SNTG1: variants seen among roughly 807,000 people sequenced by gnomAD.
SNTG1 encodes the protein syntrophin gamma 1.
SNTG1 carries 39 observed loss-of-function variants against 74.7 expected under a neutral mutation model. The observed-to-expected ratio is 0.52, with a 90% CI of 0.40 to 0.68. The LOEUF is 0.68. Among genes scored for constraint, SNTG1 ranks in the 30% least tolerant of loss-of-function variants. SNTG1 has a pLI of 0.00. For synonymous variants in SNTG1, 254 were observed against 217.1 expected, an observed-to-expected ratio of 1.17 and a Z score of -1.49; for missense variants, 685 against 609.5, an observed-to-expected ratio of 1.12 and a Z score of -1.30.
At position 50,206,099 on chromosome 8, in the gene SNTG1, G is replaced by A. The variant is rs141098140; in HGVS notation, c.-28+33464G>A. 7.7e-3 allele frequency among the ~76,000 whole-genome samples: 1,173 copies of A among 152,250 alleles called. 8 individuals are homozygous for A. Among genetic ancestry groups the A allele is most frequent in the Non-Finnish European group, 0.013 (897 of 68,014 alleles). ...CTTTAAAGTAGTTTTTTCCGATTCT[G>A]TGAAGAAAGTCATTGGTAGCTTGAT... On this transcript the variant is annotated intron_variant, in intron 2 of 18. Coordinates refer to ENST00000642720, the MANE Select transcript of SNTG1 (RefSeq NM_018967.5).
intron 2 of SNTG1, among the ~76,000 whole-genome samples, chr8:50,346,078 A>G (rs1033869027): frequency 2.0e-5 from 3 of 152,206 alleles, no homozygotes; most frequent in African/African-American, 7.2e-5. Context: ...GCAAAATGGT[A>G]TTCCAACTGC....
At chr8:50,579,441 C>A (rs2130808591) in intron 12 of SNTG1, among the ~76,000 whole-genome samples, 1 of 152,226 alleles carries the variant, frequency 6.6e-6, no homozygotes, top group South Asian at 2.1e-4. Context: ...TAGTGAAGAG[C>A]TGAAAGTTAA....
intron 17 of SNTG1, among the ~76,000 whole-genome samples, chr8:50,724,087 A>T (rs2095494193): frequency 6.6e-6 from 1 of 152,142 alleles, no homozygotes; most frequent in Non-Finnish European, 1.5e-5. Context: ...AAATAAATTC[A>T]TGTTTACTTT....
At chr8:50,763,214 G>C (rs377104685) in intron 18 of SNTG1, among the ~76,000 whole-genome samples, 4 of 151,852 alleles carry the variant, frequency 2.6e-5, no homozygotes, top group Non-Finnish European at 5.9e-5. Flanking sequence ...GAGAGTTGTC[G>C]ATTTTTCAGT....
At chr8:50,665,655 G>A (rs190859324) in intron 15 of SNTG1, among the ~76,000 whole-genome samples, 2 of 152,238 alleles carry the variant, frequency 1.3e-5, no homozygotes, top group Admixed American at 6.5e-5. Context: ...ATAAGGAGGT[G>A]TTCAGAGAAT....
intron 17 of SNTG1, among the ~76,000 whole-genome samples, chr8:50,724,718 T>A (rs1381920770): frequency 6.6e-6 from 1 of 152,156 alleles, no homozygotes; most frequent in Non-Finnish European, 1.5e-5. Context: ...CAGGTACATA[T>A]GTTTTTTAAT....
chr8:50,281,229 T>G lies in SNTG1; in HGVS notation c.-28+108594T>G, dbSNP rs537400686. On this transcript the variant is annotated intron_variant, in intron 2 of 18. Coordinates refer to ENST00000642720, the MANE Select transcript of SNTG1 (RefSeq NM_018967.5). ...AGAGTCTGTTTTGTCAGTCTTAAGA[T>G]CTCTGTTTTAATGTTAATGCTGGTC... Among the ~76,000 whole-genome samples the G allele has an allele frequency of 3.9e-5, 6 of 152,128 alleles. No homozygotes were observed. The South Asian group carries it at 1.2e-3, about 32-fold the overall frequency.
At chr8:50,479,961 A>G (rs1471602992) in intron 8 of SNTG1, among the ~76,000 whole-genome samples, 3 of 152,182 alleles carry the variant, frequency 2.0e-5, no homozygotes, top group African/African-American at 7.2e-5. Flanking sequence ...GATTAGGATA[A>G]TAAATTGGAT....
chr8:50,191,664 C>T (rs1287400115), intron 2 of SNTG1, among the ~76,000 whole-genome samples: 1 of 152,054 alleles, frequency 6.6e-6, no homozygotes, highest in Admixed American at 6.6e-5. Flanking sequence ...AACCTGTCAA[C>T]CCATCACCTA....
intron 12 of SNTG1, among the ~76,000 whole-genome samples, chr8:50,560,248 G>A (rs1370011154): frequency 2.0e-5 from 3 of 152,198 alleles, no homozygotes; most frequent in African/African-American, 4.8e-5. Context: ...CACAGAAAAA[G>A]GAATGCATCT....
At chr8:50,598,253 T>C (rs1256376007) in intron 13 of SNTG1, among the ~76,000 whole-genome samples, 1 of 151,966 alleles carries the variant, frequency 6.6e-6, no homozygotes, top group Non-Finnish European at 1.5e-5. Flanking sequence ...TAAGACATTT[T>C]GATTTGATTT....
At chr8:50,471,261 G>C (rs2093652311) in intron 8 of SNTG1, among the ~76,000 whole-genome samples, 1 of 148,172 alleles carries the variant, frequency 6.7e-6, no homozygotes, top group Non-Finnish European at 1.5e-5. Context: ...TTTTTTTGGA[G>C]ACACCCTTGC....
At chr8:50,250,569 A>T (rs1428880394) in intron 2 of SNTG1, among the ~76,000 whole-genome samples, 2 of 152,166 alleles carry the variant, frequency 1.3e-5, no homozygotes, top group African/African-American at 4.8e-5. Flanking sequence ...GCAAGAGATA[A>T]ATGTCAAGTT....
chr8:50,473,347 G>A (rs540888021), intron 8 of SNTG1, among the ~76,000 whole-genome samples: 5 of 152,148 alleles, frequency 3.3e-5, no homozygotes, highest in African/African-American at 1.2e-4. Flanking sequence ...GCTGCACTGT[G>A]AGTCAATTAA....
chr8:50,573,338 G>T (rs2094559247), intron 12 of SNTG1, among the ~76,000 whole-genome samples: 1 of 151,894 alleles, frequency 6.6e-6, no homozygotes, highest in South Asian at 2.1e-4. Flanking sequence ...GTGCACTTCT[G>T]TTTCTTAAAT....
chr8:50,318,126 G>T (rs915895248), intron 2 of SNTG1, among the ~76,000 whole-genome samples: 5 of 151,930 alleles, frequency 3.3e-5, no homozygotes, highest in African/African-American at 9.7e-5. Flanking sequence ...GTGAGCCACC[G>T]AGCCCAGCCA....
At position 50,044,918 on chromosome 8, in the gene SNTG1, G is replaced by A. The variant is rs566353433; in HGVS notation, c.-102-127643G>A. Among the ~76,000 whole-genome samples the A allele has an allele frequency of 3.9e-5, 6 of 152,120 alleles. No individual in the cohort carries two copies. The South Asian group carries it at 6.2e-4, about 16-fold the overall frequency. On this transcript the variant is annotated intron_variant, in intron 1 of 18. Transcript: ENST00000642720. ...GTGAATTAAAATAGATGATATTTGC[G>A]AACCATTTAAAATAGTGTCTAAAAT...
chr8:50,473,379 C>A (rs1227277480), intron 8 of SNTG1, among the ~76,000 whole-genome samples: 1 of 152,074 alleles, frequency 6.6e-6, no homozygotes, highest in Admixed American at 6.6e-5. Context: ...TTAAAAATCA[C>A]CCAGTCTCAG....
At chr8:50,305,382 T>C (rs1365844228) in intron 2 of SNTG1, among the ~76,000 whole-genome samples, 1 of 152,106 alleles carries the variant, frequency 6.6e-6, no homozygotes, top group Non-Finnish European at 1.5e-5. Context: ...GTCTGGTATT[T>C]TTTACTAGAA....
Sources: allele counts gnomAD v4.1 joint callset (sites outside exome capture counted in the v4.1 genomes callset), GRCh38; gene constraint gnomAD v4.1.1; transcripts MANE v1.5; gene names NCBI Gene and HGNC (gene_info 2026-07-23, HGNC 2026-07-21).